The following METTL25 variants were observed in gnomAD, a reference collection of about 807,000 sequenced individuals.
METTL25 encodes probable methyltransferase-like protein 25.
METTL25 carries 64 observed loss-of-function variants against 71.6 expected under a neutral mutation model. The ratio of observed to expected loss-of-function variants is 0.89; its 90% CI spans 0.73 to 1.10. METTL25 has a LOEUF of 1.10. Ranked by LOEUF, METTL25 falls within the 50% of genes least tolerant of loss-of-function variation. METTL25 has a pLI of 0.00. For missense variants in METTL25, 807 were observed against 707.0 expected (o/e 1.14, Z -1.60); for synonymous variants, 287 against 250.3 (o/e 1.15, Z -1.38).
intron 8 of METTL25, among the ~76,000 whole-genome samples, chr12:82,450,639 T>G (rs1891071958): frequency 1.3e-5 from 2 of 152,212 alleles, no homozygotes; most frequent in Admixed American, 1.3e-4. Context: ...GTTTTTCCTG[T>G]GATCTGCAAA....
rs11333059 is a variant in METTL25 at position 82,404,949 on chromosome 12, GAA to G, written c.1279+1832_1279+1833del. ...ACAAGAGCAAAACTCCATCTCAAAA[GAA>G]AAAAAAAAAAAATTAGAGTCACTAT... On this transcript the variant is annotated intron_variant, in intron 5 of 11. Coordinates refer to ENST00000248306, the MANE Select transcript of METTL25 (RefSeq NM_032230.3). Among the ~76,000 whole-genome samples, 338 of 146,492 alleles carry G rather than the reference GAA, an allele frequency of 2.3e-3. 2 individuals are homozygous for G. The highest frequency in any genetic ancestry group is 6.9e-3 in the African/African-American group (275 of 39,956).
intron 1 of METTL25, among the ~76,000 whole-genome samples, chr12:82,367,697 C>T (rs78629042): frequency 0.012 from 1,872 of 152,248 alleles, 16 homozygotes; most frequent in Non-Finnish European, 0.02. Flanking sequence ...TGTCCAAAAC[C>T]GTAGTTCTGA....
At chr12:82,359,951 C>A (rs191710208) in intron 1 of METTL25, among the ~76,000 whole-genome samples, 1 of 152,270 alleles carries the variant, frequency 6.6e-6, no homozygotes, top group East Asian at 1.9e-4. Flanking sequence ...TTAGGCACTT[C>A]TTCAGTTTGC....
rs1892938496 is a variant in METTL25, at chr12:82,477,415, C to T, written c.1719+63C>T. ...TATTAAATACAGTAATATAGAGCCA[C>T]TTATATCTAGGATAAGAGTCTTTCA... On this transcript the variant is annotated intron_variant, in intron 11 of 11. Transcript: ENST00000248306. The T allele has an allele frequency of 1.0e-5, 8 of 796,190 alleles. No individual in the cohort carries two copies. In the East Asian group the frequency reaches 1.9e-4, roughly 19 times the overall value. The allele number at this position is 796,190 out of a possible 1,614,324, so 49.3% of individuals were successfully genotyped here.
rs761977330 is a variant in METTL25 at position 82,476,672 on chromosome 12, A to G, written c.1601A>G (p.Tyr534Cys). 3 of 1,602,118 alleles carry G rather than the reference A, an allele frequency of 1.9e-6. No homozygotes were observed. The highest frequency in any genetic ancestry group is 1.1e-5 in the South Asian group (1 of 88,110). Reference sequence around the variant, plus strand: ...CCAGAAAAAATTATAATGAACTACTACGAGAAGTATAAGCCTCGAATGAAT... The same window carrying G: ...CCAGAAAAAATTATAATGAACTACTGCGAGAAGTATAAGCCTCGAATGAAT... The part of the protein sequence containing the change: ...KLPEKIIMNY[Y>C]EKYKPRMNEL... Residue 534 changes from tyrosine to cysteine, a missense_variant, in exon 10 of 12, where the codon TAC becomes TGC. Coordinates refer to ENST00000248306, the MANE Select transcript of METTL25 (RefSeq NM_032230.3).
In METTL25 at chr12:82,430,904, GA is replaced by G. The variant is rs770481933; in HGVS notation, c.1295del (p.Lys432SerfsTer10). The G allele has an allele frequency of 6.3e-7, 1 of 1,587,340 alleles. No individual in the cohort carries two copies. Reference sequence around the variant, plus strand: ...TCCCCCATCTGCAGAACGTACTCAGGAAAAGTGGGGATTTCCAATGTGCCAC... The same window carrying G: ...TCCCCCATCTGCAGAACGTACTCAGGAAAGTGGGGATTTCCAATGTGCCAC... The part of the protein sequence containing the change: ...FENQHKERTQ[E>X]KWGFPMCHYL... On this transcript the variant is annotated frameshift_variant, in exon 6 of 12. Transcript: ENST00000248306. LOFTEE classifies it high-confidence loss of function.
rs74770660 is a variant in METTL25 at position 82,440,533 on chromosome 12, T to G, written c.1478+1742T>G. ...ATTCTACTTTTATCATCAGACCACA[T>G]AATTAGTTATCAAGATTTGTACATG... On this transcript the variant is annotated intron_variant, in intron 8 of 11. Transcript: ENST00000248306. Among the ~76,000 whole-genome samples, 296 of 152,144 alleles carry G rather than the reference T, an allele frequency of 1.9e-3. 4 individuals are homozygous for G. The East Asian group carries it at 0.026, about 13-fold the overall frequency.
intron 9 of METTL25, chr12:82,468,957 A>ACCTAGAT (rs1184426985): frequency 6.6e-6 from 1 of 152,292 alleles, no homozygotes. Context: ...GCCAATAGAA[A>ACCTAGAT]CCTAGATTAC....
At chr12:82,421,885 T>C (rs1888536951) in intron 5 of METTL25, among the ~76,000 whole-genome samples, 1 of 152,146 alleles carries the variant, frequency 6.6e-6, no homozygotes, top group South Asian at 2.1e-4. Flanking sequence ...TAACAGGCTC[T>C]GAAATTGAGG....
At chr12:82,383,760 ATAT>A (rs966783507) in intron 1 of METTL25, among the ~76,000 whole-genome samples, 22 of 152,248 alleles carry the variant, frequency 1.4e-4, no homozygotes, top group African/African-American at 4.6e-4. Flanking sequence ...TATTTTTAAA[ATAT>A]TATATGTTTT....
At chr12:82,371,922 C>T (rs1200945194) in intron 1 of METTL25, among the ~76,000 whole-genome samples, 14 of 152,146 alleles carry the variant, frequency 9.2e-5, no homozygotes. Flanking sequence ...TTTACGACTC[C>T]AGTCCTCATG....
intron 3 of METTL25, among the ~76,000 whole-genome samples, chr12:82,390,833 C>G (rs1359924022): frequency 3.9e-5 from 6 of 151,990 alleles, no homozygotes; most frequent in Non-Finnish European, 8.8e-5. Context: ...TAGCCGGAGT[C>G]GAAGAGGCAA....
In METTL25 at chr12:82,386,499, C is replaced by CA. The variant is rs1373792362; in HGVS notation, c.260-304_260-303insA. On this transcript the variant is annotated intron_variant, in intron 1 of 11. Coordinates refer to ENST00000248306, the MANE Select transcript of METTL25 (RefSeq NM_032230.3). ...CCTCCCTCCTTTCCTTCCTCCCTCCCTTCCTTCCTCCCTTTTCTCTCTCTC... is the reference window on the plus strand; with the variant it reads ...CCTCCCTCCTTTCCTTCCTCCCTCCCATTCCTTCCTCCCTTTTCTCTCTCTC... Among the ~76,000 whole-genome samples, 10 of 148,716 alleles carry CA rather than the reference C, an allele frequency of 6.7e-5. No homozygotes were observed. The East Asian group carries it at 2.0e-3, about 30-fold the overall frequency.
chr12:82,474,067 C>T (rs1892733652), intron 9 of METTL25, among the ~76,000 whole-genome samples: 1 of 152,146 alleles, frequency 6.6e-6, no homozygotes. Flanking sequence ...CATTGTTCTC[C>T]TAATCTGGGA....
intron 8 of METTL25, among the ~76,000 whole-genome samples, chr12:82,456,300 G>A (rs1001128281): frequency 3.3e-5 from 5 of 151,866 alleles, no homozygotes; most frequent in African/African-American, 1.2e-4. Flanking sequence ...TATGGGGCTT[G>A]ATCAATGGCT....
intron 4 of METTL25, among the ~76,000 whole-genome samples, chr12:82,400,891 T>C (rs1172067905): frequency 6.6e-6 from 1 of 152,148 alleles, no homozygotes; most frequent in African/African-American, 2.4e-5. Context: ...ATAAATACAA[T>C]AAAGAATGAG....
Position 82,434,842 on chromosome 12 carries a change from A to T in METTL25, c.1404+118A>T, listed in dbSNP as rs1018628551. On this transcript the variant is annotated intron_variant, in intron 7 of 11. Coordinates refer to ENST00000248306, the MANE Select transcript of METTL25 (RefSeq NM_032230.3). ...TTAATAAATATCTTGTCCCAGATGC[A>T]TATTCAAATTTGTGCATTTTCTGTA... 5.1e-5 allele frequency: 44 copies of T among 859,126 alleles called. 1 individual carries two copies. The South Asian group carries it at 6.6e-4, about 13-fold the overall frequency. The allele number at this position is 859,126 out of a possible 1,614,324, so 53.2% of individuals were successfully genotyped here.
chr12:82,422,425 C>G (rs1487060407), intron 5 of METTL25, among the ~76,000 whole-genome samples: 8 of 152,118 alleles, frequency 5.3e-5, no homozygotes, highest in Middle Eastern at 3.4e-3. Context: ...TATGACAAAC[C>G]CACAGCCAAT....
intron 9 of METTL25, among the ~76,000 whole-genome samples, chr12:82,457,328 A>AG (rs1005704182): frequency 8.2e-4 from 2 of 2,438 alleles, no homozygotes; most frequent in Non-Finnish European, 1.8e-3. Flanking sequence ...TCTACCACTG[A>AG]GGGAAAAAAA....
Sources: gnomAD v4.1 joint callset for allele counts (sites outside exome capture counted in the v4.1 genomes callset) on GRCh38, gnomAD v4.1.1 for gene constraint, MANE v1.5 for transcripts, NCBI Gene and HGNC (gene_info 2026-07-23, HGNC 2026-07-21) for gene names.